Variants in NTM observed in about 807,000 individuals in gnomAD.
NTM encodes the protein IgLON family member 2.
NTM carries 13 observed loss-of-function variants against 42.1 expected under a neutral mutation model. That is an observed-to-expected ratio of 0.31 (90% CI 0.20 to 0.49). The LOEUF is 0.49. Ranked by LOEUF, NTM falls within the 20% of genes least tolerant of loss-of-function variation. The pLI is 0.99. For synonymous variants in NTM, 187 were observed against 179.2 expected (o/e 1.04, Z -0.35); for missense variants, 373 against 452.8 (o/e 0.82, Z 1.60).
intron 1 of NTM, among the ~76,000 whole-genome samples, chr11:131,522,445 T>G (rs1053577064): frequency 1.3e-5 from 2 of 152,212 alleles, no homozygotes; most frequent in African/African-American, 2.4e-5. Context: ...CTGAGATCTT[T>G]ACTGATATGT....
At chr11:131,878,248 T>G (rs1305861595) in intron 1 of NTM, 2 of 151,980 alleles carry the variant, frequency 1.3e-5, no homozygotes, top group African/African-American at 2.4e-5. Context: ...GGACTTACCC[T>G]GTTAAGCTCC....
intron 1 of NTM, among the ~76,000 whole-genome samples, chr11:131,803,286 C>T (rs60497406): frequency 0.037 from 5,650 of 151,646 alleles, 349 homozygotes; most frequent in African/African-American, 0.13. Flanking sequence ...TTGTCACTAA[C>T]GTATTTTGGG....
At chr11:131,440,277 T>C (rs1949508567) in intron 1 of NTM, among the ~76,000 whole-genome samples, 1 of 151,992 alleles carries the variant, frequency 6.6e-6, no homozygotes, top group African/African-American at 2.4e-5. Context: ...TGTTGAGAGG[T>C]GGGTGCTAAA....
intron 3 of NTM, among the ~76,000 whole-genome samples, chr11:132,202,058 A>G (rs951778866): frequency 6.6e-6 from 1 of 152,226 alleles, no homozygotes; most frequent in African/African-American, 2.4e-5. Flanking sequence ...GTAATGAATT[A>G]GATTAATTGA....
intron 4 of NTM, among the ~76,000 whole-genome samples, chr11:132,236,023 A>ACAC (rs1566544925): frequency 9.7e-5 from 11 of 113,204 alleles, no homozygotes; most frequent in Admixed American, 2.5e-4. Context: ...CACACACACA[A>ACAC]CAAAATTGTA....
intron 1 of NTM, among the ~76,000 whole-genome samples, chr11:131,726,239 G>T (rs2078954029): frequency 6.6e-6 from 1 of 152,154 alleles, no homozygotes. Flanking sequence ...GCTCTCTCTA[G>T]CGACCCTATC....
intron 1 of NTM, among the ~76,000 whole-genome samples, chr11:131,711,434 C>A (rs559690132): frequency 6.6e-6 from 1 of 152,180 alleles, no homozygotes; most frequent in Non-Finnish European, 1.5e-5. Context: ...CAATGAGATA[C>A]AATCTCACAC....
At chr11:131,620,266 T>G (rs896521226) in intron 1 of NTM, among the ~76,000 whole-genome samples, 13 of 152,308 alleles carry the variant, frequency 8.5e-5, no homozygotes, top group Middle Eastern at 3.4e-3. Flanking sequence ...ACCAAGGGTC[T>G]CCTCATGTCT....
chr11:132,190,829 A>G (rs1401341801), intron 3 of NTM, among the ~76,000 whole-genome samples: 1 of 152,054 alleles, frequency 6.6e-6, no homozygotes, highest in Non-Finnish European at 1.5e-5. Context: ...GACTTCCTTC[A>G]GGGGTTAGCT....
chr11:132,215,948 G>A (rs2083763671), intron 4 of NTM, among the ~76,000 whole-genome samples: 1 of 152,174 alleles, frequency 6.6e-6, no homozygotes, highest in Non-Finnish European at 1.5e-5. Context: ...GCTAGCATAG[G>A]GTACTAGGTG....
At chr11:131,564,135 G>T (rs1442624195) in intron 1 of NTM, among the ~76,000 whole-genome samples, 1 of 152,170 alleles carries the variant, frequency 6.6e-6, no homozygotes, top group East Asian at 1.9e-4. Context: ...ATTCCTGCAG[G>T]TTCTTTTGGA....
chr11:132,319,575 G>A (rs1220942674), intron 7 of NTM, among the ~76,000 whole-genome samples: 3 of 152,236 alleles, frequency 2.0e-5, no homozygotes, highest in Admixed American at 1.3e-4. Context: ...TGGGGGAGGG[G>A]CGCCTGCCAT....
chr11:131,535,951 A>G (rs536796698), intron 1 of NTM: 347 of 152,398 alleles, frequency 2.3e-3, no homozygotes, highest in South Asian at 4.8e-3. Flanking sequence ...GTTTTGCCAG[A>G]AAGAATGAAT....
intron 1 of NTM, among the ~76,000 whole-genome samples, chr11:131,444,549 A>C (rs1949893138): frequency 6.6e-6 from 1 of 152,156 alleles, no homozygotes; most frequent in African/African-American, 2.4e-5. Context: ...TGTTTTGAGA[A>C]GAATGAATTG....
intron 2 of NTM, among the ~76,000 whole-genome samples, chr11:132,025,732 G>C (rs2075080250): frequency 6.6e-6 from 1 of 152,198 alleles, no homozygotes; most frequent in Non-Finnish European, 1.5e-5. Context: ...CTGAAGATGA[G>C]AAGCATTGCC....
At chr11:131,980,206 A>T (rs1341281143) in intron 2 of NTM, among the ~76,000 whole-genome samples, 23 of 152,308 alleles carry the variant, frequency 1.5e-4, no homozygotes, top group Non-Finnish European at 1.5e-5. Flanking sequence ...GGAATTGGTC[A>T]TTTTTCCCGG....
intron 1 of NTM, among the ~76,000 whole-genome samples, chr11:131,379,321 G>A (rs530311955): frequency 1.3e-5 from 2 of 152,322 alleles, no homozygotes; most frequent in Admixed American, 1.3e-4. Context: ...CAGATTTCAG[G>A]AAGACAGGAG....
intron 1 of NTM, among the ~76,000 whole-genome samples, chr11:131,521,916 C>T (rs1054457914): frequency 6.6e-6 from 1 of 152,044 alleles, no homozygotes; most frequent in Non-Finnish European, 1.5e-5. Context: ...GACCTTTATG[C>T]CTGGATTTTT....
At chr11:132,317,784 T>G in intron 7 of NTM, 2 of 695,430 alleles carry the variant, frequency 2.9e-6, no homozygotes, top group African/African-American at 3.7e-5. Flanking sequence ...CACTTGTCTG[T>G]AAAGTGTCTT....
Sources: allele counts gnomAD v4.1 joint callset (sites outside exome capture counted in the v4.1 genomes callset), GRCh38; gene constraint gnomAD v4.1.1; transcripts MANE v1.5; gene names NCBI Gene and HGNC (gene_info 2026-07-23, HGNC 2026-07-21).